Variants in SOAT2 observed in about 807,000 individuals in gnomAD.
SOAT2 encodes the protein ACAT-2.
SOAT2 carries 87 observed loss-of-function variants against 76.0 expected under a neutral mutation model. The ratio of observed to expected loss-of-function variants is 1.14; its 90% CI spans 0.96 to 1.37. The LOEUF is 1.37. SOAT2 is among the 40% of genes most tolerant of loss of function. The pLI is 0.00. For missense variants in SOAT2, 686 were observed against 682.1 expected, an observed-to-expected ratio of 1.01 and a Z score of -0.06; for synonymous variants, 285 against 275.4, an observed-to-expected ratio of 1.03 and a Z score of -0.34.
At chr12:53,122,737 T>C (rs1345771181) in intron 12 of SOAT2, among the ~76,000 whole-genome samples, 1 of 152,218 alleles carries the variant, frequency 6.6e-6, no homozygotes, top group African/African-American at 2.4e-5. Flanking sequence ...TATTTCTTTC[T>C]ACACAGACAC....
chr12:53,103,750 T>C, intron 1 of SOAT2, 91 bp downstream of exon 1: 1 of 1,071,342 alleles, frequency 9.3e-7, no homozygotes, highest in Non-Finnish European at 1.3e-6. Flanking sequence ...AACTGCCTGA[T>C]GCCAATCCTT....
intron 6 of SOAT2, 23 bp downstream of exon 6, chr12:53,115,677 G>C (rs1481975843): frequency 2.7e-6 from 4 of 1,489,850 alleles, no homozygotes; most frequent in East Asian, 4.7e-5. Flanking sequence ...CCCTGCTGAC[G>C]GACAGGAAGG....
intron 8 of SOAT2, 119 bp downstream of exon 8, chr12:53,118,553 T>A (rs1938141125): frequency 1.3e-6 from 1 of 743,632 alleles, no homozygotes; most frequent in African/African-American, 1.8e-5. Context: ...TCAGGAAGCA[T>A]CTCATAATAA....
chr12:53,115,430 C>T lies in SOAT2; in HGVS notation c.484C>T (p.Gln162Ter). ...EFDLLIFSFG[Q>*]LPLALVTWVP... ...TGACCTACTGATCTTCAGCTTCGGACAGCTGCCATTGGCGCTGGTGACCTG... is the reference window on the plus strand; with the variant it reads ...TGACCTACTGATCTTCAGCTTCGGATAGCTGCCATTGGCGCTGGTGACCTG... Residue 162 changes from glutamine (Q) to a stop codon, truncating the protein, a stop_gained, in exon 6 of 15, where the codon CAG (glutamine) becomes TAG (stop). Transcript: ENST00000301466. LOFTEE classifies it high-confidence loss of function. 2 of 1,611,736 alleles carry T rather than the reference C, an allele frequency of 1.2e-6. No individual in the cohort carries two copies. The highest frequency in any genetic ancestry group is 1.7e-6 in the Non-Finnish European group (2 of 1,179,256).
At chr12:53,108,437 C>T (rs1937967782) in intron 5 of SOAT2, among the ~76,000 whole-genome samples, 1 of 151,912 alleles carries the variant, frequency 6.6e-6, no homozygotes, top group Non-Finnish European at 1.5e-5. Context: ...TCTTATTGTA[C>T]TATGCAAATA....
chr12:53,105,292 A>G, intron 3 of SOAT2, 49 bp downstream of exon 3: 1 of 1,573,164 alleles, frequency 6.4e-7, no homozygotes, highest in Non-Finnish European at 8.6e-7. Context: ...AAGGATCATG[A>G]GCTAGAAACA....
chr12:53,105,021 A>G (rs1937908534), intron 2 of SOAT2, 86 bp from the exon 3 acceptor site: 16 of 1,278,072 alleles, frequency 1.3e-5, no homozygotes, highest in Non-Finnish European at 1.4e-5. Context: ...TGTGCCTGGC[A>G]TAGACAGAAA....
intron 5 of SOAT2, among the ~76,000 whole-genome samples, chr12:53,113,536 C>T: frequency 6.6e-6 from 1 of 152,166 alleles, no homozygotes; most frequent in East Asian, 1.9e-4. Flanking sequence ...TGGCTTGCCA[C>T]GTTTTGTTCC....
At chr12:53,122,549 G>A (rs1489720362) in intron 12 of SOAT2, among the ~76,000 whole-genome samples, 1 of 151,644 alleles carries the variant, frequency 6.6e-6, no homozygotes, top group African/African-American at 2.4e-5. Context: ...CCAGCATGCT[G>A]CCTTCAAGCA....
chr12:53,110,863 T>C (rs1398629615), intron 5 of SOAT2, among the ~76,000 whole-genome samples: 1 of 152,182 alleles, frequency 6.6e-6, no homozygotes, highest in Non-Finnish European at 1.5e-5. Context: ...TAACTTTTTT[T>C]ATGCCTCTCT....
intron 11 of SOAT2, 119 bp from the exon 12 acceptor site, chr12:53,121,184 C>G: frequency 2.6e-6 from 2 of 756,994 alleles, no homozygotes; most frequent in Non-Finnish European, 4.6e-6. Context: ...CCTGTTCTGC[C>G]AGGAGCCAGC....
chr12:53,118,782 C>G, intron 8 of SOAT2, 108 bp from the exon 9 acceptor site: 1 of 1,217,102 alleles, frequency 8.2e-7, no homozygotes, highest in East Asian at 2.3e-5. Context: ...CCTCCCAGGC[C>G]TAAGCAATTA....
At position 53,103,522 on chromosome 12, in the gene SOAT2, C is replaced by A. The variant is rs543881265; in HGVS notation, c.-56C>A. On this transcript the variant is annotated 5_prime_UTR_variant, in exon 1 of 15. Coordinates refer to ENST00000301466, the MANE Select transcript of SOAT2 (RefSeq NM_003578.4). Reference sequence around the variant, plus strand: ...GAGCTCTACAGGGCAGGCCACACTGCGAAGGAAGGAGGCAACACGGGCAAG... The same window carrying A: ...GAGCTCTACAGGGCAGGCCACACTGAGAAGGAAGGAGGCAACACGGGCAAG... The A allele has an allele frequency of 1.0e-5, 15 of 1,474,474 alleles. No homozygotes were observed. In the South Asian group the frequency reaches 1.7e-4, roughly 17 times the overall value. 91.3% of individuals were successfully genotyped at this position (1,474,474 alleles called of 1,614,324 possible).
chr12:53,115,972 A>G, intron 6 of SOAT2, 125 bp from the exon 7 acceptor site: 1 of 842,902 alleles, frequency 1.2e-6, no homozygotes, highest in Non-Finnish European at 2.0e-6. Context: ...AAGAAAAAGT[A>G]TGGGCTCTGA....
At chr12:53,123,595 C>G (rs1938228391) in intron 13 of SOAT2, 133 bp from the exon 14 acceptor site, 3 of 1,055,954 alleles carry the variant, frequency 2.8e-6, no homozygotes, top group Non-Finnish European at 2.8e-6. Context: ...CTACGAATTT[C>G]TGCACCTGAG....
chr12:53,113,510 C>T (rs1195283178), intron 5 of SOAT2, among the ~76,000 whole-genome samples: 1 of 152,202 alleles, frequency 6.6e-6, no homozygotes, highest in East Asian at 1.9e-4. Flanking sequence ...ACAGCACCAT[C>T]CCGGTCTCTC....
Position 53,119,198 on chromosome 12 carries a change from A to T in SOAT2, c.984A>T (p.Arg328=), listed in dbSNP as rs774140193. ...TTCCTGTCTTTGCCAACATGAGCCG[A>T]GAGCCCTTCAGCACCCGTGCCCTGG... ...LCVPVFANMS[R]EPFSTRALVL... is the part of the protein sequence containing the mutation. The change falls in exon 10 of 15, where the codon CGA becomes CGT. Residue 328 remains arginine, a synonymous_variant. Coordinates refer to ENST00000301466, the MANE Select transcript of SOAT2 (RefSeq NM_003578.4). The T allele has an allele frequency of 1.9e-6, 3 of 1,613,964 alleles. No homozygotes were observed. The highest frequency in any genetic ancestry group is 2.5e-6 in the Non-Finnish European group (3 of 1,180,008).
At position 53,118,451 on chromosome 12, in the gene SOAT2, CT is replaced by C; in HGVS notation, c.863+19del. 1 of 1,584,970 alleles carries C rather than the reference CT, an allele frequency of 6.3e-7. No individual in the cohort carries two copies. Among genetic ancestry groups the C allele is most frequent in the Non-Finnish European group, 8.7e-7 (1 of 1,153,520 alleles). On this transcript the variant is annotated intron_variant, in intron 8 of 14. Coordinates refer to ENST00000301466, the MANE Select transcript of SOAT2 (RefSeq NM_003578.4). The stretch of plus-strand genomic sequence containing the variant: ...TTACCCTAGGTAAGACCCTGCACTC[CT>C]TCCCCAAATGCCCAGGCCCATCAGG...
chr12:53,105,721 A>T, intron 4 of SOAT2, 101 bp downstream of exon 4: 1 of 1,234,094 alleles, frequency 8.1e-7, no homozygotes. Flanking sequence ...TGGTTTGTGG[A>T]GAGGACTTGG....
Sources: allele counts gnomAD v4.1 joint callset (sites outside exome capture counted in the v4.1 genomes callset), GRCh38; gene constraint gnomAD v4.1.1; transcripts MANE v1.5; gene names NCBI Gene and HGNC (gene_info 2026-07-23, HGNC 2026-07-21).